Variants in ZC3H11A observed in about 807,000 individuals in gnomAD.
ZC3H11A encodes zinc finger CCCH-type containing 11A.
A neutral mutation model predicts 90.8 loss-of-function variants in ZC3H11A; 22 were observed. The observed-to-expected ratio is 0.24, with a 90% confidence interval of 0.17 to 0.35. The LOEUF (loss-of-function observed/expected upper bound fraction) is 0.35. Among genes scored for constraint, ZC3H11A ranks in the 10% least tolerant of loss-of-function variants. ZC3H11A has a pLI of 1.00. For synonymous variants in ZC3H11A, 294 were observed against 339.8 expected (o/e 0.87, Z 1.48); for missense variants, 701 against 964.9 (o/e 0.73, Z 3.62).
chr1:203,830,538 C>T (rs973316831), intron 8 of ZC3H11A, among the ~76,000 whole-genome samples: 11 of 152,104 alleles, frequency 7.2e-5, no homozygotes, highest in East Asian at 3.9e-4. Flanking sequence ...AAAGGCTGGG[C>T]GTGGTGGCTC....
chr1:203,834,735 C>T (rs1380315115), intron 10 of ZC3H11A, among the ~76,000 whole-genome samples: 1 of 152,234 alleles, frequency 6.6e-6, no homozygotes, highest in Non-Finnish European at 1.5e-5. Flanking sequence ...CTGCAACCTC[C>T]ACCTCCTGGG....
chr1:203,809,172 GTTTTTT>G (rs33926996), intron 2 of ZC3H11A, among the ~76,000 whole-genome samples: 1 of 83,248 alleles, frequency 1.2e-5, no homozygotes, highest in Non-Finnish European at 2.1e-5. Flanking sequence ...TCTTCTCACT[GTTTTTT>G]TTTTTTTTTT....
intron 1 of ZC3H11A, chr1:203,799,135 A>G (rs929995447): frequency 4.6e-6 from 7 of 1,511,170 alleles, no homozygotes; most frequent in African/African-American, 1.4e-5. Context: ...TTGATAACCA[A>G]TATTTTACAA....
intron 2 of ZC3H11A, among the ~76,000 whole-genome samples, chr1:203,813,408 G>A (rs1020648265): frequency 2.0e-5 from 3 of 151,766 alleles, no homozygotes; most frequent in Non-Finnish European, 2.9e-5. Context: ...CAATTTATTG[G>A]TTTTCTTTTG....
At chr1:203,844,252 C>T (rs1258887115) in intron 12 of ZC3H11A, among the ~76,000 whole-genome samples, 1 of 152,160 alleles carries the variant, frequency 6.6e-6, no homozygotes, top group Non-Finnish European at 1.5e-5. Flanking sequence ...ACCTCTGCCT[C>T]CCAGGTTAAA....
At chr1:203,799,865 T>C (rs1046208534) in intron 1 of ZC3H11A, 2 of 1,535,754 alleles carry the variant, frequency 1.3e-6, no homozygotes, top group Non-Finnish European at 1.7e-6. Context: ...TGGAAGACTT[T>C]TTTCCTCAAG....
rs563864350 is a variant in ZC3H11A, at chr1:203,811,423, T to G, written c.-145-5503T>G. Among the ~76,000 whole-genome samples, 3 of 152,388 alleles carry G rather than the reference T, an allele frequency of 2.0e-5. No homozygotes were observed. The South Asian group carries it at 6.2e-4, about 32-fold the overall frequency. ...GTTTCAATTACTTTGTTGCTGGTCT[T>G]TCTAAAACCGGTAACAGTTTCAAAT... On this transcript the variant is annotated intron_variant, in intron 2 of 17. Transcript: ENST00000367210.
In ZC3H11A at chr1:203,819,067, CA is replaced by C. The variant is rs747588582; in HGVS notation, c.174+389del. Reference sequence around the variant, plus strand: ...CTGGTGACAGAGCAACACTCCGTCTCAAAAAAAAAAATATATATATATACAC... The same window carrying C: ...CTGGTGACAGAGCAACACTCCGTCTCAAAAAAAAAATATATATATATACAC... On this transcript the variant is annotated intron_variant, in intron 4 of 17. Coordinates refer to ENST00000367210, the MANE Select transcript of ZC3H11A (RefSeq NM_001376342.1). Among the ~76,000 whole-genome samples, 238 of 97,206 alleles carry C rather than the reference CA, an allele frequency of 2.4e-3. 1 individual carries two copies. The highest frequency in any genetic ancestry group is 3.6e-3 in the Non-Finnish European group (157 of 43,892). 63.8% of individuals were successfully genotyped at this position (97,206 alleles called of 152,430 possible). A position where few individuals can be genotyped will look rare whatever the true frequency, so the allele number is the denominator to read the frequency against.
At chr1:203,797,200 G>C (rs1668816619) in intron 1 of ZC3H11A, 1 of 177,958 alleles carries the variant, frequency 5.6e-6, no homozygotes, top group African/African-American at 2.4e-5. Flanking sequence ...GCTTCTAGCT[G>C]CTACTAACCA....
At chr1:203,804,404 G>A (rs1217975740) in intron 2 of ZC3H11A, among the ~76,000 whole-genome samples, 14 of 151,606 alleles carry the variant, frequency 9.2e-5, no homozygotes, top group Admixed American at 8.5e-4. Context: ...CGCCCGCCTC[G>A]GCCTCCCAAA....
intron 1 of ZC3H11A, chr1:203,796,532 C>T (rs1571838836): frequency 2.5e-6 from 1 of 398,934 alleles, no homozygotes; most frequent in East Asian, 3.6e-5. Context: ...ATATTGTTGA[C>T]ATCTTCCAGG....
intron 10 of ZC3H11A, among the ~76,000 whole-genome samples, chr1:203,835,317 A>G (rs1265103570): frequency 2.0e-5 from 3 of 152,320 alleles, no homozygotes; most frequent in Non-Finnish European, 4.4e-5. Flanking sequence ...ACTTGATATC[A>G]GTAAATATTT....
chr1:203,830,263 G>T, intron 8 of ZC3H11A, 60 bp downstream of exon 8: 1 of 1,319,578 alleles, frequency 7.6e-7, no homozygotes, highest in Non-Finnish European at 1.1e-6. Context: ...TACTAAGGAC[G>T]CTTCTAGAAG....
At chr1:203,841,069 T>C (rs548431341) in intron 12 of ZC3H11A, among the ~76,000 whole-genome samples, 1 of 152,244 alleles carries the variant, frequency 6.6e-6, no homozygotes, top group Admixed American at 6.5e-5. Flanking sequence ...TCAACTTGCA[T>C]TGTATCAAGT....
Position 203,816,955 on chromosome 1 carries a change from C to T in ZC3H11A, c.-116C>T, listed in dbSNP as rs1572055318. On this transcript the variant is annotated 5_prime_UTR_variant, in exon 3 of 18. Transcript: ENST00000367210. The stretch of plus-strand genomic sequence containing the variant: ...ACAGTTTAAAGACAATTTCTGTGAT[C>T]AAGTTGTCATTTGGAAGATTAAACC... 2 of 607,176 alleles carry T rather than the reference C, an allele frequency of 3.3e-6. No homozygotes were observed. Among genetic ancestry groups the T allele is most frequent in the East Asian group, 5.9e-5 (2 of 33,858 alleles). 37.6% of individuals were successfully genotyped at this position (607,176 alleles called of 1,614,324 possible). A position where few individuals can be genotyped will look rare whatever the true frequency, so the allele number is the denominator to read the frequency against.
rs765281736 is a variant in ZC3H11A at position 203,798,980 on chromosome 1, A to G, written c.-1587-2595A>G. On this transcript the variant is annotated intron_variant, in intron 1 of 17. Transcript: ENST00000367210. Reference sequence around the variant, plus strand: ...AAAAGATACACCTGACTGTTGACATATGGACCCATGACCCATCCACTGACT... The same window carrying G: ...AAAAGATACACCTGACTGTTGACATGTGGACCCATGACCCATCCACTGACT... 53 of 1,536,012 alleles carry G rather than the reference A, an allele frequency of 3.5e-5. No homozygotes were observed. The African/African-American group carries it at 5.9e-4, about 17-fold the overall frequency.
intron 1 of ZC3H11A, chr1:203,796,404 C>CA (rs2102323795): frequency 5.0e-6 from 2 of 399,110 alleles, no homozygotes; most frequent in African/African-American, 4.1e-5. Context: ...CCCTGGCCCT[C>CA]AGCGTCGGAG....
At chr1:203,823,087 CA>C (rs66639890) in intron 4 of ZC3H11A, among the ~76,000 whole-genome samples, 149,373 of 152,324 alleles carry the variant, frequency 0.98, 73,311 homozygotes, top group East Asian at 1. Context: ...CATGAAAAGT[CA>C]ATGTTGTAAC....
chr1:203,798,724 G>A (rs1177103821), intron 1 of ZC3H11A: 2 of 1,535,968 alleles, frequency 1.3e-6, no homozygotes, highest in African/African-American at 2.7e-5. Flanking sequence ...GAAACAACAT[G>A]TTGTGGAAAT....
Sources: gnomAD v4.1 joint callset for allele counts (sites outside exome capture counted in the v4.1 genomes callset) on GRCh38, gnomAD v4.1.1 for gene constraint, MANE v1.5 for transcripts, NCBI Gene and HGNC (gene_info 2026-07-23, HGNC 2026-07-21) for gene names.